Variants in ARHGAP10 observed in about 807,000 individuals in gnomAD.
The protein encoded by ARHGAP10 is rho GTPase-activating protein 10.
A neutral mutation model predicts 108.6 loss-of-function variants in ARHGAP10; 87 were observed. The observed-to-expected ratio is 0.80, with a 90% CI of 0.67 to 0.96. ARHGAP10 has a LOEUF of 0.96. Among genes scored for constraint, ARHGAP10 ranks in the 40% least tolerant of loss-of-function variants. The probability of loss-of-function intolerance (pLI) is 0.00; values close to 1 mark genes in which losing one functional copy is unlikely to be tolerated. For synonymous variants in ARHGAP10, 347 were observed against 341.1 expected (o/e 1.02, Z -0.19); for missense variants, 939 against 954.5 (o/e 0.98, Z 0.21).
intron 1 of ARHGAP10, among the ~76,000 whole-genome samples, chr4:147,791,554 G>A (rs541974731): frequency 2.0e-5 from 3 of 152,052 alleles, no homozygotes; most frequent in Admixed American, 1.3e-4. Context: ...GCGTGCGCGC[G>A]TGTATATATA....
chr4:148,032,327 TCCCCCCCCCC>T (rs35295439), intron 19 of ARHGAP10, among the ~76,000 whole-genome samples: 1 of 31,832 alleles, frequency 3.1e-5, no homozygotes, highest in Admixed American at 6.9e-4. Context: ...ATTTCAACTG[TCCCCCCCCCC>T]CCCCCCCCCA....
intron 18 of ARHGAP10, among the ~76,000 whole-genome samples, chr4:147,977,817 C>G (rs1482094565): frequency 6.6e-6 from 1 of 152,102 alleles, no homozygotes; most frequent in Non-Finnish European, 1.5e-5. Context: ...CCCCCTCCCC[C>G]TCCCCTTTTG....
intron 16 of ARHGAP10, among the ~76,000 whole-genome samples, chr4:147,961,464 A>T (rs1283894489): frequency 1.3e-5 from 2 of 152,010 alleles, no homozygotes; most frequent in Non-Finnish European, 2.9e-5. Flanking sequence ...TATGTATTTC[A>T]GATATTTAGT....
intron 1 of ARHGAP10, among the ~76,000 whole-genome samples, chr4:147,806,475 G>T (rs1307393804): frequency 1.3e-5 from 2 of 149,922 alleles, no homozygotes; most frequent in Non-Finnish European, 3.0e-5. Context: ...AGTAATCAGG[G>T]GCTTTTTTTC....
intron 4 of ARHGAP10, among the ~76,000 whole-genome samples, chr4:147,856,783 G>T (rs1734102171): frequency 6.6e-6 from 1 of 152,102 alleles, no homozygotes; most frequent in African/African-American, 2.4e-5. Context: ...GGACCATTAG[G>T]GAAGATCTTT....
intron 1 of ARHGAP10, among the ~76,000 whole-genome samples, chr4:147,742,872 A>G (rs1728742756): frequency 6.7e-6 from 1 of 149,374 alleles, no homozygotes; most frequent in Non-Finnish European, 1.5e-5. Flanking sequence ...ATCATCCATA[A>G]TAGTGTTGAA....
chr4:147,786,300 G>C (rs1730887414), intron 1 of ARHGAP10, among the ~76,000 whole-genome samples: 1 of 152,142 alleles, frequency 6.6e-6, no homozygotes, highest in African/African-American at 2.4e-5. Flanking sequence ...GTCTCTAAAT[G>C]TGTTTGTTTT....
At chr4:147,916,217 A>C (rs189512866) in intron 13 of ARHGAP10, among the ~76,000 whole-genome samples, 134 of 152,330 alleles carry the variant, frequency 8.8e-4, no homozygotes, top group Non-Finnish European at 1.4e-3. Context: ...ATTATCTAAA[A>C]ACTAGTATTT....
intron 9 of ARHGAP10, 133 bp downstream of exon 9, chr4:147,879,471 G>C: frequency 1.3e-6 from 1 of 782,236 alleles, no homozygotes; most frequent in Admixed American, 3.2e-5. Flanking sequence ...TAAAATCTTT[G>C]TTTTGTTTTT....
rs535857941 is a variant in ARHGAP10 at position 147,822,753 on chromosome 4, G to A, written c.181G>A (p.Ala61Thr). 1.2e-6 allele frequency: 2 copies of A among 1,614,198 alleles called. No homozygotes were observed. The highest frequency in any genetic ancestry group is 2.2e-5 in the South Asian group (2 of 91,072). The change falls in exon 2 of 23, where the codon GCT becomes ACT. Residue 61 changes from alanine to threonine, a missense_variant. Physicochemically the swap from Ala to Thr is moderately conservative, Grantham distance 58 (BLOSUM62 0). Coordinates refer to ENST00000336498, the MANE Select transcript of ARHGAP10 (RefSeq NM_024605.4). ...TCTGTCAGTGGCCCAGCGGAAGTTT[G>A]CTCATTCACTCAGAGACTTTAAGTT... ...KSLSVAQRKF[A>T]HSLRDFKFEF... is the part of the protein sequence containing the mutation.
intron 10 of ARHGAP10, among the ~76,000 whole-genome samples, chr4:147,896,755 A>G (rs546661482): frequency 7.3e-4 from 111 of 152,270 alleles, no homozygotes; most frequent in Admixed American, 1.2e-3. Context: ...ATTTGAATCT[A>G]TAAGTTTTCT....
At position 147,877,819 on chromosome 4, in the gene ARHGAP10, C is replaced by CTTTTTTT. The variant is rs549355620; in HGVS notation, c.833-1404_833-1398dup. On this transcript the variant is annotated intron_variant, in intron 8 of 22. Transcript: ENST00000336498. Reference sequence around the variant, plus strand: ...AGTCTTAGATTTCTTATTCTTCATACTTTTTTTTTTTTTTTGCTGAGATTA... The same window carrying CTTTTTTT: ...AGTCTTAGATTTCTTATTCTTCATACTTTTTTTTTTTTTTTTTTTTTTGCTGAGATTA... Among the ~76,000 whole-genome samples, 1,247 of 131,394 alleles carry CTTTTTTT rather than the reference C, an allele frequency of 9.5e-3. 38 individuals carry two copies. Among genetic ancestry groups the CTTTTTTT allele is most frequent in the African/African-American group, 0.036 (1,135 of 31,752 alleles). The allele number at this position is 131,394 out of a possible 152,430, so 86.2% of individuals were successfully genotyped here. A position where few individuals can be genotyped will look rare whatever the true frequency, so the allele number is the denominator to read the frequency against.
At chr4:147,998,391 T>C (rs1375736449) in intron 18 of ARHGAP10, among the ~76,000 whole-genome samples, 1 of 152,224 alleles carries the variant, frequency 6.6e-6, no homozygotes, top group African/African-American at 2.4e-5. Context: ...AGTCAGATAT[T>C]TTCACTGCTG....
chr4:147,784,959 A>T (rs1235954023), intron 1 of ARHGAP10, among the ~76,000 whole-genome samples: 5 of 133,324 alleles, frequency 3.8e-5, no homozygotes, highest in Non-Finnish European at 7.7e-5. Context: ...GTTATAAAAT[A>T]TATTATGAAA....
At chr4:147,893,578 A>G (rs1735875527) in intron 10 of ARHGAP10, among the ~76,000 whole-genome samples, 1 of 147,776 alleles carries the variant, frequency 6.8e-6, no homozygotes. Flanking sequence ...TGTATTTCAT[A>G]TATATTTATA....
Position 147,811,474 on chromosome 4 carries a change from C to T in ARHGAP10, c.155-11253C>T, listed in dbSNP as rs542951672. 5.2e-4 allele frequency among the ~76,000 whole-genome samples: 79 copies of T among 152,288 alleles called. No homozygotes were observed. The South Asian group carries it at 0.01, about 20-fold the overall frequency. ...TTGTAAGCATGGCCACATTATCCTG[C>T]AGCCCTGACTGTCCTGATAATTGGG... On this transcript the variant is annotated intron_variant, in intron 1 of 22. Coordinates refer to ENST00000336498, the MANE Select transcript of ARHGAP10 (RefSeq NM_024605.4).
chr4:148,002,601 G>A (rs530177192), intron 18 of ARHGAP10, among the ~76,000 whole-genome samples: 1 of 152,104 alleles, frequency 6.6e-6, no homozygotes, highest in Non-Finnish European at 1.5e-5. Context: ...GCCTGTTATT[G>A]GTCTATTCGG....
chr4:147,736,586 T>C (rs1728424632), intron 1 of ARHGAP10, among the ~76,000 whole-genome samples: 1 of 152,240 alleles, frequency 6.6e-6, no homozygotes, highest in Admixed American at 6.5e-5. Flanking sequence ...ACACTACTGC[T>C]GGTTCAGCCA....
chr4:147,847,081 A>G lies in ARHGAP10; in HGVS notation c.313-70A>G, dbSNP rs55689306. 0.011 allele frequency: 14,094 copies of G among 1,304,998 alleles called. 1,096 individuals are homozygous for G. The African/African-American group carries it at 0.18, about 16-fold the overall frequency. The allele number at this position is 1,304,998 out of a possible 1,614,324, so 80.8% of individuals were successfully genotyped here. A position where few individuals can be genotyped will look rare whatever the true frequency, so the allele number is the denominator to read the frequency against. ...TTTCTGGGTGGGATGGAAGAGGGAAATGAAATACTAATTTTTTCCTTTTTG... is the reference window on the plus strand; with the variant it reads ...TTTCTGGGTGGGATGGAAGAGGGAAGTGAAATACTAATTTTTTCCTTTTTG... On this transcript the variant is annotated intron_variant, in intron 3 of 22. Coordinates refer to ENST00000336498, the MANE Select transcript of ARHGAP10 (RefSeq NM_024605.4).
Sources: gnomAD v4.1 joint callset for allele counts (sites outside exome capture counted in the v4.1 genomes callset) on GRCh38, gnomAD v4.1.1 for gene constraint, MANE v1.5 for transcripts, NCBI Gene and HGNC (gene_info 2026-07-23, HGNC 2026-07-21) for gene names.